The following DLGAP2 variants were observed in gnomAD, a reference collection of about 807,000 sequenced individuals.
DLGAP2 encodes the protein disks large-associated protein 2.
A neutral mutation model predicts 100.3 loss-of-function variants in DLGAP2; 26 were observed. That is an observed-to-expected ratio of 0.26 (90% CI 0.19 to 0.36). The LOEUF (loss-of-function observed/expected upper bound fraction) is 0.36. Ranked by LOEUF, DLGAP2 falls within the 10% of genes least tolerant of loss-of-function variation. The pLI, the probability that DLGAP2 is intolerant of heterozygous loss-of-function variation, is 1.00. For missense variants in DLGAP2, 1,858 were observed against 1,453.2 expected, an observed-to-expected ratio of 1.28 and a Z score of -4.53; for synonymous variants, 886 against 630.1, an observed-to-expected ratio of 1.41 and a Z score of -6.08.
chr8:1,068,393 C>A (rs1803321427), intron 2 of DLGAP2, among the ~76,000 whole-genome samples: 1 of 152,230 alleles, frequency 6.6e-6, no homozygotes, highest in African/African-American at 2.4e-5. Flanking sequence ...TCTTCCAACG[C>A]AGCTGCGTTG....
At chr8:976,975 C>G (rs1317792681) in intron 2 of DLGAP2, among the ~76,000 whole-genome samples, 1 of 152,132 alleles carries the variant, frequency 6.6e-6, no homozygotes, top group East Asian at 1.9e-4. Context: ...TTGTGAAGAC[C>G]ATGTTCAGAG....
At chr8:1,243,690 C>T (rs1465997148) in intron 2 of DLGAP2, among the ~76,000 whole-genome samples, 1 of 152,152 alleles carries the variant, frequency 6.6e-6, no homozygotes, top group East Asian at 1.9e-4. Context: ...CCTGCCGATG[C>T]CCATGCCGCT....
intron 2 of DLGAP2, among the ~76,000 whole-genome samples, chr8:1,076,309 C>CA (rs1281648837): frequency 2.0e-5 from 3 of 152,260 alleles, no homozygotes; most frequent in African/African-American, 7.2e-5. Flanking sequence ...CCGCAGCTCA[C>CA]ACGGCACTGA....
chr8:1,038,794 C>T (rs2600508), intron 2 of DLGAP2, among the ~76,000 whole-genome samples: 3,633 of 152,194 alleles, frequency 0.024, 137 homozygotes, highest in African/African-American at 0.083. Context: ...TGTATAACTA[C>T]GACCCCACAT....
chr8:1,509,981 G>A (rs1479294111), intron 4 of DLGAP2, among the ~76,000 whole-genome samples: 1 of 152,160 alleles, frequency 6.6e-6, no homozygotes, highest in Non-Finnish European at 1.5e-5. Flanking sequence ...AGATGTCCAC[G>A]TTAACTTCAT....
intron 2 of DLGAP2, among the ~76,000 whole-genome samples, chr8:993,742 T>C (rs578213097): frequency 2.0e-5 from 3 of 151,324 alleles, no homozygotes; most frequent in South Asian, 2.1e-4. Context: ...GAGGAGCAGT[T>C]CTCTAGATGC....
intron 2 of DLGAP2, among the ~76,000 whole-genome samples, chr8:973,421 T>G (rs1381810957): frequency 6.7e-6 from 1 of 149,010 alleles, no homozygotes; most frequent in Non-Finnish European, 1.5e-5. Context: ...GAGACGCTCC[T>G]CACCTCCCAG....
At chr8:1,687,784 C>A (rs1033739141) in intron 12 of DLGAP2, among the ~76,000 whole-genome samples, 1 of 152,104 alleles carries the variant, frequency 6.6e-6, no homozygotes, top group Non-Finnish European at 1.5e-5. Flanking sequence ...TTTTAAGAAA[C>A]TGATTGACTT....
chr8:1,422,562 A>T (rs1398903792), intron 3 of DLGAP2, among the ~76,000 whole-genome samples: 1 of 47,104 alleles, frequency 2.1e-5, no homozygotes. Flanking sequence ...CTTTGACATT[A>T]AAAAAAAAAA....
intron 4 of DLGAP2, among the ~76,000 whole-genome samples, chr8:1,521,265 TGGG>T (rs1800588443): frequency 1.4e-5 from 1 of 73,578 alleles, no homozygotes; most frequent in Non-Finnish European, 2.8e-5. Context: ...TTGGAATACT[TGGG>T]GGCAGGTGAT....
At chr8:1,191,324 C>T (rs978576062) in intron 2 of DLGAP2, among the ~76,000 whole-genome samples, 6 of 151,960 alleles carry the variant, frequency 3.9e-5, no homozygotes, top group African/African-American at 7.3e-5. Flanking sequence ...GCACCCGCCA[C>T]CACGCCCGGC....
chr8:1,467,376 C>T (rs577752962), intron 3 of DLGAP2, among the ~76,000 whole-genome samples: 74 of 151,534 alleles, frequency 4.9e-4, no homozygotes, highest in African/African-American at 1.6e-3. Flanking sequence ...CCCCCACAGC[C>T]CCCCAGAGCT....
chr8:1,315,203 C>G (rs1401053405), intron 3 of DLGAP2, among the ~76,000 whole-genome samples: 1 of 152,182 alleles, frequency 6.6e-6, no homozygotes, highest in African/African-American at 2.4e-5. Context: ...AACTCGGCAG[C>G]TTTTAAAAAT....
At chr8:1,651,417 G>C (rs1798160478) in intron 8 of DLGAP2, among the ~76,000 whole-genome samples, 1 of 152,200 alleles carries the variant, frequency 6.6e-6, no homozygotes, top group Non-Finnish European at 1.5e-5. Context: ...CCAGCTGCTG[G>C]TGAGGGATCC....
chr8:1,103,181 G>A (rs1391152646), intron 2 of DLGAP2, among the ~76,000 whole-genome samples: 1 of 152,156 alleles, frequency 6.6e-6, no homozygotes, highest in Non-Finnish European at 1.5e-5. Flanking sequence ...AGTCCCGGTG[G>A]CCTATCTGCC....
intron 1 of DLGAP2, among the ~76,000 whole-genome samples, chr8:839,771 C>T (rs1159584962): frequency 2.0e-5 from 3 of 152,204 alleles, no homozygotes; most frequent in Non-Finnish European, 1.5e-5. Context: ...TTTCATCACC[C>T]ACATGGGCAT....
rs1821149709 is a variant in DLGAP2 at position 764,010 on chromosome 8, A to G, written c.18+26185A>G. Among the ~76,000 whole-genome samples the G allele has an allele frequency of 2.0e-5, 3 of 152,318 alleles. No homozygotes were observed. The South Asian group carries it at 6.2e-4, about 32-fold the overall frequency. ...TTTTAATTGGAAATTTTCATTTTTA[A>G]GAGTCTAGTTTGTTCCAATAGGGTG... On this transcript the variant is annotated intron_variant, in intron 1 of 14. Coordinates refer to ENST00000637795, the MANE Select transcript of DLGAP2 (RefSeq NM_001346810.2).
chr8:1,537,342 G>A (rs1801187957), intron 4 of DLGAP2, among the ~76,000 whole-genome samples: 1 of 152,110 alleles, frequency 6.6e-6, no homozygotes, highest in African/African-American at 2.4e-5. Context: ...GTGTTGGGGT[G>A]GAGGTGAACA....
At chr8:944,628 G>T (rs375273492) in intron 2 of DLGAP2, among the ~76,000 whole-genome samples, 12 of 152,274 alleles carry the variant, frequency 7.9e-5, no homozygotes, top group African/African-American at 2.9e-4. Context: ...TGATCCAGGG[G>T]GTGGTAACCA....
Sources: allele counts gnomAD v4.1 joint callset (sites outside exome capture counted in the v4.1 genomes callset), GRCh38; gene constraint gnomAD v4.1.1; transcripts MANE v1.5; gene names NCBI Gene and HGNC (gene_info 2026-07-23, HGNC 2026-07-21).